ARMC9: variants seen among roughly 807,000 people sequenced by gnomAD.
ARMC9 encodes the protein lisH domain-containing protein ARMC9.
Under a neutral mutation model 107.0 loss-of-function variants are expected in ARMC9, and 94 were observed. The ratio of observed to expected loss-of-function variants is 0.88; its 90% CI spans 0.74 to 1.04. ARMC9 has a LOEUF of 1.04. ARMC9 is among the 50% of genes least tolerant of loss of function. The probability of loss-of-function intolerance (pLI) is 0.00; values close to 1 mark genes in which losing one functional copy is unlikely to be tolerated. For missense variants in ARMC9, 942 were observed against 1,030.1 expected, an observed-to-expected ratio of 0.91 and a Z score of 1.17; for synonymous variants, 380 against 396.9, an observed-to-expected ratio of 0.96 and a Z score of 0.51.
intron 3 of ARMC9, among the ~76,000 whole-genome samples, chr2:231,214,336 T>A (rs1000651367): frequency 2.0e-5 from 3 of 152,194 alleles, no homozygotes; most frequent in Non-Finnish European, 4.4e-5. Flanking sequence ...GGCAGCTCTA[T>A]CTCCTAGGCC....
chr2:231,324,258 G>A (rs1327325889), intron 19 of ARMC9, among the ~76,000 whole-genome samples: 29 of 148,978 alleles, frequency 1.9e-4, no homozygotes, highest in African/African-American at 6.9e-4. Flanking sequence ...CTCCTGAGTA[G>A]CTGGGACTAC....
rs1205874708 is a variant in ARMC9, at chr2:231,291,398, G to A, written c.1672G>A (p.Glu558Lys). Residue 558 changes from glutamate (E) to lysine (K), a missense_variant, in exon 18 of 25, where the codon GAA (glutamate) becomes AAA (lysine). Coordinates refer to ENST00000611582, the MANE Select transcript of ARMC9 (RefSeq NM_001352754.2). ...LRCFIKEGNA[E>K]MIRQIEFIIK... is the part of the protein sequence containing the mutation. ...CTGCTTCATCAAAGAAGGCAATGCT[G>A]AAATGATCCGCCAGATAGAATTCAT... The A allele has an allele frequency of 1.9e-6, 3 of 1,613,690 alleles. No homozygotes were observed. Among genetic ancestry groups the A allele is most frequent in the African/African-American group, 2.7e-5 (2 of 74,926 alleles).
At position 231,371,702 on chromosome 2, in the gene ARMC9, C is replaced by A; in HGVS notation, c.*167C>A. 1 of 649,394 alleles carries A rather than the reference C, an allele frequency of 1.5e-6. No homozygotes were observed. The highest frequency in any genetic ancestry group is 2.2e-6 in the Non-Finnish European group (1 of 456,182). 40.2% of individuals were successfully genotyped at this position (649,394 alleles called of 1,614,324 possible). On this transcript the variant is annotated 3_prime_UTR_variant, in exon 25 of 25. Transcript: ENST00000611582. ...CAGCACCAGAGCAAGGCCATCGCAGCCCCGCCAGCCGGGTCACTTTCTCCC... is the reference window on the plus strand; with the variant it reads ...CAGCACCAGAGCAAGGCCATCGCAGACCCGCCAGCCGGGTCACTTTCTCCC...
In ARMC9 at chr2:231,222,826, C is replaced by CT. The variant is rs1267616893; in HGVS notation, c.597+10dup. On this transcript the variant is annotated splice_region_variant and intron_variant, in intron 6 of 24. Coordinates refer to ENST00000611582, the MANE Select transcript of ARMC9 (RefSeq NM_001352754.2). ...CAAAGCTTTTAACAATATATGTATCCTTTTGAAGCAAATAGAGACCACCTA... is the reference window on the plus strand; with the variant it reads ...CAAAGCTTTTAACAATATATGTATCCTTTTTGAAGCAAATAGAGACCACCTA... 2.1e-5 allele frequency: 32 copies of CT among 1,542,980 alleles called. No homozygotes were observed. The East Asian group carries it at 7.3e-4, about 35-fold the overall frequency.
chr2:231,327,545 G>A (rs930002104), intron 19 of ARMC9, among the ~76,000 whole-genome samples: 1 of 152,132 alleles, frequency 6.6e-6, no homozygotes, highest in African/African-American at 2.4e-5. Context: ...ATTCTGTGGT[G>A]TGTATGTACC....
chr2:231,247,554 C>T (rs774772845), intron 9 of ARMC9, among the ~76,000 whole-genome samples: 1 of 152,180 alleles, frequency 6.6e-6, no homozygotes. Context: ...TGAGGAGTCT[C>T]CCAACCAGCA....
rs1027272209 is a variant in ARMC9, at chr2:231,370,064, G to A, written c.2373G>A (p.Ser791=). 1.7e-5 allele frequency: 26 copies of A among 1,535,024 alleles called. No homozygotes were observed. The highest frequency in any genetic ancestry group is 1.2e-4 in the African/African-American group (9 of 72,988). ...KASVLAPLFS[S]CGPQQASRPG... ...CAGTTCTGGCCCCTCTGTTCTCTTC[G>A]TGTGGCCCCCAGCAGGCCAGCCGCC... Residue 791 remains serine (S), a synonymous_variant, in exon 24 of 25, where the codon TCG becomes TCA. Coordinates refer to ENST00000611582, the MANE Select transcript of ARMC9 (RefSeq NM_001352754.2).
At chr2:231,270,873 C>T in intron 12 of ARMC9, 109 bp from the exon 13 acceptor site, 1 of 896,830 alleles carries the variant, frequency 1.1e-6, no homozygotes, top group Non-Finnish European at 1.8e-6. Context: ...GTTTATTTCA[C>T]CTCTAATAAA....
At chr2:231,276,364 G>C (rs550494850) in intron 14 of ARMC9, among the ~76,000 whole-genome samples, 2 of 151,414 alleles carry the variant, frequency 1.3e-5, no homozygotes, top group African/African-American at 4.9e-5. Context: ...TCTGCCTCCC[G>C]GGTTCAAGCA....
chr2:231,262,526 C>G, intron 12 of ARMC9, 128 bp downstream of exon 12: 1 of 913,464 alleles, frequency 1.1e-6, no homozygotes, highest in South Asian at 1.5e-5. Flanking sequence ...GCCTTGAGCT[C>G]ATGAGGTTCT....
chr2:231,355,361 C>T (rs1161308491), intron 21 of ARMC9, among the ~76,000 whole-genome samples: 1 of 152,156 alleles, frequency 6.6e-6, no homozygotes, highest in African/African-American at 2.4e-5. Context: ...GAAGAAAGTT[C>T]TGCAGTCTCG....
intron 9 of ARMC9, among the ~76,000 whole-genome samples, chr2:231,251,269 C>T (rs547895069): frequency 2.0e-5 from 3 of 152,134 alleles, no homozygotes; most frequent in East Asian, 1.9e-4. Context: ...CGGATTCAAG[C>T]GATTCTCCTG....
intron 16 of ARMC9, among the ~76,000 whole-genome samples, chr2:231,279,946 T>C (rs1001464556): frequency 4.6e-5 from 7 of 152,216 alleles, no homozygotes; most frequent in Admixed American, 3.9e-4. Context: ...TTTTATATTT[T>C]AAAGCTAGTG....
intron 19 of ARMC9, among the ~76,000 whole-genome samples, chr2:231,330,384 C>A (rs568092136): frequency 1.3e-5 from 2 of 152,148 alleles, no homozygotes; most frequent in South Asian, 4.1e-4. Flanking sequence ...CCCGGAAACC[C>A]ACTACGCCTC....
intron 20 of ARMC9, among the ~76,000 whole-genome samples, chr2:231,337,442 G>A (rs187736503): frequency 0.053 from 7,757 of 146,172 alleles, 306 homozygotes; most frequent in African/African-American, 0.11. Context: ...AATTACAGGC[G>A]CGCGCCACCA....
At chr2:231,236,008 A>G (rs2035678507) in intron 8 of ARMC9, among the ~76,000 whole-genome samples, 1 of 152,202 alleles carries the variant, frequency 6.6e-6, no homozygotes, top group Non-Finnish European at 1.5e-5. Context: ...GCTGATTTTG[A>G]ACACCTGGGC....
chr2:231,254,866 C>T (rs995466930), intron 9 of ARMC9, among the ~76,000 whole-genome samples: 1 of 152,102 alleles, frequency 6.6e-6, no homozygotes, highest in Non-Finnish European at 1.5e-5. Flanking sequence ...TTCCCTGCCC[C>T]CACCCTGGAG....
chr2:231,216,650 C>T lies in ARMC9; in HGVS notation c.361C>T (p.Leu121=). The change falls in exon 5 of 25, where the codon CTG becomes TTG. Residue 121 remains leucine, a synonymous_variant. Transcript: ENST00000611582. ...TCCCTTCTTCTAGGACAAAGAGGAG[C>T]TGGATGAAAAGATTTCCTACTTCAA... ...YSVGRPDKEE[L]DEKISYFKTY... The T allele has an allele frequency of 6.2e-7, 1 of 1,613,416 alleles. No individual in the cohort carries two copies. The highest frequency in any genetic ancestry group is 1.7e-4 in the Middle Eastern group (1 of 6,054).
At chr2:231,231,790 G>A (rs977559150) in intron 7 of ARMC9, among the ~76,000 whole-genome samples, 1 of 151,886 alleles carries the variant, frequency 6.6e-6, no homozygotes, top group African/African-American at 2.4e-5. Flanking sequence ...CCGGGTTCAA[G>A]CAATTGTCCT....
Sources: allele counts gnomAD v4.1 joint callset (sites outside exome capture counted in the v4.1 genomes callset), GRCh38; gene constraint gnomAD v4.1.1; transcripts MANE v1.5; gene names NCBI Gene and HGNC (gene_info 2026-07-23, HGNC 2026-07-21).